Variants in MAGI2 observed in about 807,000 individuals in gnomAD.
MAGI2 encodes the protein membrane associated guanylate kinase, WW and PDZ domain containing 2.
MAGI2 carries 35 observed loss-of-function variants against 133.3 expected under a neutral mutation model. The ratio of observed to expected loss-of-function variants is 0.26; its 90% CI spans 0.20 to 0.35. The LOEUF (loss-of-function observed/expected upper bound fraction) is 0.35. MAGI2 is among the 10% of genes least tolerant of loss of function. The pLI is 1.00. For synonymous variants in MAGI2, 729 were observed against 710.6 expected, an observed-to-expected ratio of 1.03 and a Z score of -0.41; for missense variants, 1,636 against 1,863.4, an observed-to-expected ratio of 0.88 and a Z score of 2.25.
chr7:78,675,450 A>T (rs1814913391), intron 2 of MAGI2, among the ~76,000 whole-genome samples: 1 of 152,062 alleles, frequency 6.6e-6, no homozygotes, highest in African/African-American at 2.4e-5. Context: ...TGATAAATAC[A>T]TTTATCAAGA....
At chr7:79,179,133 A>G (rs555363586) in intron 1 of MAGI2, among the ~76,000 whole-genome samples, 5 of 152,114 alleles carry the variant, frequency 3.3e-5, no homozygotes, top group Admixed American at 1.3e-4. Flanking sequence ...CACCACATAT[A>G]TATATTACAG....
At chr7:78,680,287 A>T (rs1358938849) in intron 2 of MAGI2, among the ~76,000 whole-genome samples, 1 of 152,124 alleles carries the variant, frequency 6.6e-6, no homozygotes, top group Non-Finnish European at 1.5e-5. Context: ...CTGTGATATT[A>T]TTTGGGTATA....
chr7:78,206,168 T>C lies in MAGI2; in HGVS notation c.2048-4975A>G, dbSNP rs545693894. Among the ~76,000 whole-genome samples, 4 of 152,326 alleles carry C rather than the reference T, an allele frequency of 2.6e-5. No homozygotes were observed. In the South Asian group the frequency reaches 6.2e-4, roughly 24 times the overall value. On this transcript the variant is annotated intron_variant, in intron 10 of 21. Transcript: ENST00000354212. Reference sequence around the variant, plus strand: ...TTATTTTCACAGGGCAAAAAGATTATGAACTTTCTTAAAATCACCCCAATT... The same window carrying C: ...TTATTTTCACAGGGCAAAAAGATTACGAACTTTCTTAAAATCACCCCAATT...
chr7:78,096,223 G>A (rs567744129), intron 20 of MAGI2, among the ~76,000 whole-genome samples: 6 of 152,286 alleles, frequency 3.9e-5, no homozygotes, highest in Non-Finnish European at 7.4e-5. Context: ...TTAAGAGCAC[G>A]GGCTTTGGTG....
intron 3 of MAGI2, among the ~76,000 whole-genome samples, chr7:78,573,365 A>AATATATATAT (rs58739225): frequency 0.012 from 357 of 28,966 alleles, 23 homozygotes; most frequent in East Asian, 0.034. Context: ...GAATCCTGGA[A>AATATATATAT]ATATATATAT....
chr7:78,738,155 G>C (rs377219777), intron 2 of MAGI2, among the ~76,000 whole-genome samples: 12 of 151,958 alleles, frequency 7.9e-5, no homozygotes, highest in Admixed American at 3.9e-4. Flanking sequence ...GATACTTTAA[G>C]TCACATTTAT....
At chr7:78,781,730 C>T (rs911387230) in intron 2 of MAGI2, among the ~76,000 whole-genome samples, 41 of 151,954 alleles carry the variant, frequency 2.7e-4, no homozygotes, top group African/African-American at 8.7e-4. Flanking sequence ...AGAAATAATG[C>T]TTTTATAATA....
intron 4 of MAGI2, chr7:78,518,243 C>T (rs377619575): frequency 1.3e-5 from 2 of 152,154 alleles, no homozygotes; most frequent in East Asian, 1.9e-4. Context: ...ATTTATAATG[C>T]CACTTTGAAA....
chr7:78,285,908 C>A (rs1796102115), intron 9 of MAGI2: 1 of 152,088 alleles, frequency 6.6e-6, no homozygotes, highest in South Asian at 2.1e-4. Flanking sequence ...CTTCTTTGTG[C>A]AGGTTCCATC....
At position 78,282,417 on chromosome 7, in the gene MAGI2, C is replaced by T. The variant is rs897474264; in HGVS notation, c.1409-25836G>A. Among the ~76,000 whole-genome samples, 9 of 152,224 alleles carry T rather than the reference C, an allele frequency of 5.9e-5. No homozygotes were observed. In the South Asian group the frequency reaches 1.7e-3, roughly 28 times the overall value. ...TTTTGCAAATAAAGTTTTATTGGGA[C>T]AGCCAACGTCATGTTTTTACATATT... On this transcript the variant is annotated intron_variant, in intron 9 of 21. Transcript: ENST00000354212.
intron 2 of MAGI2, among the ~76,000 whole-genome samples, chr7:78,681,015 G>C (rs958310513): frequency 7.9e-5 from 12 of 152,096 alleles, no homozygotes; most frequent in African/African-American, 2.4e-4. Flanking sequence ...AGGTGCTACT[G>C]GCATCCTGGA....
intron 20 of MAGI2, among the ~76,000 whole-genome samples, chr7:78,112,975 G>A (rs1259666207): frequency 1.3e-5 from 2 of 152,210 alleles, no homozygotes; most frequent in Non-Finnish European, 2.9e-5. Context: ...TGAAGGATGA[G>A]GAGGACTTAC....
intron 1 of MAGI2, among the ~76,000 whole-genome samples, chr7:79,304,527 A>G (rs569382807): frequency 3.2e-4 from 48 of 152,102 alleles, no homozygotes; most frequent in African/African-American, 1.1e-3. Flanking sequence ...ATAGCATTTT[A>G]CTCTTTATAC....
chr7:78,765,384 T>C (rs544547573), intron 2 of MAGI2, among the ~76,000 whole-genome samples: 6 of 141,318 alleles, frequency 4.2e-5, no homozygotes, highest in Admixed American at 3.8e-4. Context: ...GTCTCGCTCT[T>C]GTCAACAAGG....
At chr7:78,224,954 T>A (rs1396784734) in intron 10 of MAGI2, among the ~76,000 whole-genome samples, 2 of 151,998 alleles carry the variant, frequency 1.3e-5, no homozygotes, top group African/African-American at 2.4e-5. Context: ...GGTCCTGAGG[T>A]CTGGCTGCTA....
chr7:78,194,942 G>C lies in MAGI2; in HGVS notation c.2201C>G (p.Ala734Gly), dbSNP rs763654815. The C allele has an allele frequency of 6.2e-7, 1 of 1,614,076 alleles. No homozygotes were observed. Among genetic ancestry groups the C allele is most frequent in the South Asian group, 1.1e-5 (1 of 91,070 alleles). ...HRSSFPDSTEAFDPRKPDPYE... is the reference protein window; with the variant it reads ...HRSSFPDSTEGFDPRKPDPYE... Reference sequence around the variant, plus strand: ...TGGATCAGGCTTCCGTGGGTCAAAGGCCTCTGTTGAGTCAGGAAAGGAGCT... The same window carrying C: ...TGGATCAGGCTTCCGTGGGTCAAAGCCCTCTGTTGAGTCAGGAAAGGAGCT... The change falls in exon 12 of 22, where the codon GCC (alanine) becomes GGC (glycine). Residue 734 changes from alanine to glycine, a missense_variant. Physicochemically the swap from Ala to Gly is moderately conservative, Grantham distance 60. Transcript: ENST00000354212.
At chr7:78,881,333 C>G (rs1795820480) in intron 2 of MAGI2, among the ~76,000 whole-genome samples, 1 of 148,426 alleles carries the variant, frequency 6.7e-6, no homozygotes, top group East Asian at 2.0e-4. Flanking sequence ...TAAAGCAAGT[C>G]TCAATAAATT....
chr7:78,701,754 C>G (rs911564258), intron 2 of MAGI2, among the ~76,000 whole-genome samples: 2 of 151,918 alleles, frequency 1.3e-5, no homozygotes, highest in African/African-American at 4.8e-5. Context: ...AATTTACAAA[C>G]AGCTATACTT....
chr7:79,367,510 A>C (rs1465600760), intron 1 of MAGI2, among the ~76,000 whole-genome samples: 1 of 152,106 alleles, frequency 6.6e-6, no homozygotes, highest in Admixed American at 6.5e-5. Context: ...TCAAAGCTGA[A>C]ATTTTTCACC....
Sources: allele counts gnomAD v4.1 joint callset (sites outside exome capture counted in the v4.1 genomes callset), GRCh38; gene constraint gnomAD v4.1.1; transcripts MANE v1.5; gene names NCBI Gene and HGNC (gene_info 2026-07-23, HGNC 2026-07-21).